STAM2: variants seen among roughly 807,000 people sequenced by gnomAD.
STAM2 encodes signal transducing adapter molecule 2.
STAM2 carries 51 observed loss-of-function variants against 65.6 expected under a neutral mutation model. The ratio of observed to expected loss-of-function variants is 0.78; its 90% CI spans 0.62 to 0.98. The LOEUF (loss-of-function observed/expected upper bound fraction) is 0.98. STAM2 is among the 50% of genes least tolerant of loss of function. The pLI, the probability that STAM2 is intolerant of heterozygous loss-of-function variation, is 0.00. For synonymous variants in STAM2, 198 were observed against 208.4 expected (o/e 0.95, Z 0.43); for missense variants, 584 against 617.8 (o/e 0.95, Z 0.58).
chr2:152,141,835 C>T (rs535241308), intron 7 of STAM2, among the ~76,000 whole-genome samples: 7 of 152,010 alleles, frequency 4.6e-5, no homozygotes, highest in Admixed American at 1.3e-4. Flanking sequence ...GTGATCCGCC[C>T]GCCTCAGCCT....
chr2:152,167,891 C>T (rs893333409), intron 1 of STAM2, among the ~76,000 whole-genome samples: 1 of 151,770 alleles, frequency 6.6e-6, no homozygotes, highest in African/African-American at 2.4e-5. Flanking sequence ...GCCTGGGCGA[C>T]TGAGTGAGGC....
chr2:152,121,686 A>G (rs1194277790), intron 13 of STAM2, among the ~76,000 whole-genome samples: 1 of 152,180 alleles, frequency 6.6e-6, no homozygotes, highest in Non-Finnish European at 1.5e-5. Context: ...TAAGCTGAAA[A>G]ATCACACCAA....
At chr2:152,170,917 AC>A (rs1318488260) in intron 1 of STAM2, among the ~76,000 whole-genome samples, 2 of 152,070 alleles carry the variant, frequency 1.3e-5, no homozygotes, top group Non-Finnish European at 2.9e-5. Flanking sequence ...AATTGCTTGA[AC>A]CTGGGAAGCA....
Position 152,150,374 on chromosome 2 carries a change from A to G in STAM2, c.41-145T>C. On this transcript the variant is annotated intron_variant, in intron 1 of 13. Transcript: ENST00000263904. ...ACCTTCAGAAGACAAAAGTACTTCTACTAACTTCAATTTTAAATTGTATAA... is the reference window on the plus strand; with the variant it reads ...ACCTTCAGAAGACAAAAGTACTTCTGCTAACTTCAATTTTAAATTGTATAA... The G allele has an allele frequency of 1.1e-5, 6 of 527,274 alleles. No homozygotes were observed. In the East Asian group the frequency reaches 1.9e-4, roughly 16 times the overall value. 32.7% of individuals were successfully genotyped at this position (527,274 alleles called of 1,614,324 possible). A position where few individuals can be genotyped will look rare whatever the true frequency, so the allele number is the denominator to read the frequency against.
intron 1 of STAM2, among the ~76,000 whole-genome samples, chr2:152,169,980 G>A (rs1235680074): frequency 1.6e-4 from 24 of 151,868 alleles, no homozygotes; most frequent in Admixed American, 1.6e-3. Flanking sequence ...TGAGATGACA[G>A]GCATTCACCA....
rs377557159 is a variant in STAM2 at position 152,148,128 on chromosome 2, A to T, written c.202-6T>A. On this transcript the variant is annotated splice_region_variant and splice_polypyrimidine_tract_variant and intron_variant, in intron 3 of 13. Transcript: ENST00000263904. ...GCCACACAAGCCCCAAGAAGCTATT[A>T]ATTGAAATAAAAATATATGAATATT... The T allele has an allele frequency of 1.1e-4, 169 of 1,597,860 alleles. 1 individual carries two copies. Among genetic ancestry groups the T allele is most frequent in the Non-Finnish European group, 1.4e-4 (166 of 1,173,350 alleles).
chr2:152,126,534 A>G (rs1043088933), intron 11 of STAM2, among the ~76,000 whole-genome samples, 155 bp from the exon 12 acceptor site: 5 of 152,190 alleles, frequency 3.3e-5, no homozygotes, highest in Non-Finnish European at 4.4e-5. Flanking sequence ...AACTAAGAGG[A>G]AGAACTGCTT....
chr2:152,126,364 C>G lies in STAM2; in HGVS notation c.1041G>C (p.Leu347Phe). ...LEEIDRKHSE[L>F]SELNVKVLEA... ...CCAGGACTTTAACATTCAATTCAGA[C>G]AATTCTGAATGCTTCCTGATGTAGA... The change falls in exon 12 of 14, where the codon TTG becomes TTC. Residue 347 changes from leucine (L) to phenylalanine (F), a missense_variant. Physicochemically the swap from Leu to Phe is conservative, Grantham distance 22 (BLOSUM62 0). Transcript: ENST00000263904. 1.3e-6 allele frequency: 2 copies of G among 1,572,004 alleles called. No homozygotes were observed. Among genetic ancestry groups the G allele is most frequent in the South Asian group, 2.4e-5 (2 of 82,598 alleles).
rs1688832210 is a variant in STAM2, at chr2:152,120,550, T to G, written c.*24A>C. 6.2e-7 allele frequency: 1 copy of G among 1,606,344 alleles called. No individual in the cohort carries two copies. Among genetic ancestry groups the G allele is most frequent in the Admixed American group, 1.7e-5 (1 of 59,758 alleles). On this transcript the variant is annotated 3_prime_UTR_variant, in exon 14 of 14. Coordinates refer to ENST00000263904, the MANE Select transcript of STAM2 (RefSeq NM_005843.6). ...ACTGAATAATACACTTATGAAGGCT[T>G]TCAAGAAAATGCTTGATTTGTTTCT...
intron 4 of STAM2, 36 bp from the exon 5 acceptor site, chr2:152,147,344 C>T (rs778048559): frequency 6.6e-7 from 1 of 1,507,446 alleles, no homozygotes; most frequent in Admixed American, 2.4e-5. Context: ...AAACAAAAAT[C>T]TACGGTTAAA....
chr2:152,159,092 A>C lies in STAM2; in HGVS notation c.41-8863T>G, dbSNP rs922920570. On this transcript the variant is annotated intron_variant, in intron 1 of 13. Transcript: ENST00000263904. Reference sequence around the variant, plus strand: ...ACCAAGAAAAGCTAGCCAAAAAAAAACCATATATATATATATATACACACA... The same window carrying C: ...ACCAAGAAAAGCTAGCCAAAAAAAACCCATATATATATATATATACACACA... 5.8e-4 allele frequency among the ~76,000 whole-genome samples: 38 copies of C among 65,518 alleles called. 2 individuals are homozygous for C. Among genetic ancestry groups the C allele is most frequent in the East Asian group, 4.8e-3 (3 of 626 alleles). 43.0% of individuals were successfully genotyped at this position (65,518 alleles called of 152,430 possible).
chr2:152,170,677 A>G lies in STAM2; in HGVS notation c.40+4926T>C, dbSNP rs1297531938. ...AAATTTATAACCTAGAGCTACAAAC[A>G]TCAACATGAATAACTCTCACGAAGA... On this transcript the variant is annotated intron_variant, in intron 1 of 13. Coordinates refer to ENST00000263904, the MANE Select transcript of STAM2 (RefSeq NM_005843.6). 3.3e-5 allele frequency among the ~76,000 whole-genome samples: 5 copies of G among 152,236 alleles called. No individual in the cohort carries two copies. In the East Asian group the frequency reaches 9.7e-4, roughly 30 times the overall value.
chr2:152,118,277 T>A lies in STAM2; in HGVS notation c.*2297A>T, dbSNP rs748923724. On this transcript the variant is annotated 3_prime_UTR_variant, in exon 14 of 14. Coordinates refer to ENST00000263904, the MANE Select transcript of STAM2 (RefSeq NM_005843.6). ...ATAAAAAGGGAAGTACACAACCCTGTGTTTCTTAACACCGAAAGAATCATC... is the reference window on the plus strand; with the variant it reads ...ATAAAAAGGGAAGTACACAACCCTGAGTTTCTTAACACCGAAAGAATCATC... 6.6e-6 allele frequency: 1 copy of A among 151,990 alleles called. No homozygotes were observed. The highest frequency in any genetic ancestry group is 1.5e-5 in the Non-Finnish European group (1 of 67,944). The allele number at this position is 151,990 out of a possible 1,614,324, so 9.4% of individuals were successfully genotyped here.
At chr2:152,173,310 C>G (rs1010081472) in intron 1 of STAM2, among the ~76,000 whole-genome samples, 24 of 145,388 alleles carry the variant, frequency 1.7e-4, no homozygotes, top group Admixed American at 7.8e-4. Context: ...CATCTCAAGT[C>G]AAATAATGAC....
chr2:152,137,111 A>T (rs1163501733), intron 7 of STAM2, among the ~76,000 whole-genome samples: 1 of 151,944 alleles, frequency 6.6e-6, no homozygotes, highest in Non-Finnish European at 1.5e-5. Context: ...GCTGGTCTCA[A>T]ACTTTATCTT....
rs184971067 is a variant in STAM2, at chr2:152,163,399, C to T, written c.40+12204G>A. On this transcript the variant is annotated intron_variant, in intron 1 of 13. Coordinates refer to ENST00000263904, the MANE Select transcript of STAM2 (RefSeq NM_005843.6). ...TTTAATTTCTTAATCCTGTTATCTTCGTAAGCTGAGAATGTATGTCAACTC... is the reference window on the plus strand; with the variant it reads ...TTTAATTTCTTAATCCTGTTATCTTTGTAAGCTGAGAATGTATGTCAACTC... Among the ~76,000 whole-genome samples the T allele has an allele frequency of 7.6e-3, 1,163 of 152,246 alleles. 16 individuals carry two copies. Among genetic ancestry groups the T allele is most frequent in the African/African-American group, 0.026 (1,085 of 41,540 alleles).
At chr2:152,150,507 A>C (rs1206688385) in intron 1 of STAM2, among the ~76,000 whole-genome samples, 1 of 152,266 alleles carries the variant, frequency 6.6e-6, no homozygotes, top group African/African-American at 2.4e-5. Flanking sequence ...AAAGTTTTAA[A>C]GATGTATAAT....
chr2:152,165,601 G>A (rs1312122601), intron 1 of STAM2, among the ~76,000 whole-genome samples: 3 of 151,974 alleles, frequency 2.0e-5, no homozygotes, highest in Non-Finnish European at 2.9e-5. Flanking sequence ...GGGGTGGCGC[G>A]GGATACACAT....
intron 1 of STAM2, among the ~76,000 whole-genome samples, chr2:152,164,575 C>T (rs1052201476): frequency 1.3e-5 from 2 of 152,194 alleles, no homozygotes; most frequent in Non-Finnish European, 2.9e-5. Flanking sequence ...TTCCCGACCT[C>T]AGGTGATCTG....
Sources: gnomAD v4.1 joint callset for allele counts (sites outside exome capture counted in the v4.1 genomes callset) on GRCh38, gnomAD v4.1.1 for gene constraint, MANE v1.5 for transcripts, NCBI Gene and HGNC (gene_info 2026-07-23, HGNC 2026-07-21) for gene names.